Variants in KHDRBS2 observed in about 807,000 individuals in gnomAD.
KHDRBS2 encodes KH domain-containing, RNA-binding, signal transduction-associated protein 2.
KHDRBS2 carries 26 observed loss-of-function variants against 44.3 expected under a neutral mutation model. The ratio of observed to expected loss-of-function variants is 0.59; its 90% CI spans 0.43 to 0.81. The LOEUF is 0.81. KHDRBS2 is among the 40% of genes least tolerant of loss of function. KHDRBS2 has a pLI of 0.00. For synonymous variants in KHDRBS2, 194 were observed against 151.1 expected, an observed-to-expected ratio of 1.28 and a Z score of -2.08; for missense variants, 476 against 433.1, an observed-to-expected ratio of 1.10 and a Z score of -0.88.
At chr6:61,590,885 C>T in the KHDRBS2 span, among the ~76,000 whole-genome samples, 3 of 152,106 alleles carry the variant, frequency 2.0e-5, no homozygotes, top group Admixed American at 6.6e-5. Flanking sequence ...TGTTCATAGT[C>T]ATGGGATGCT....
chr6:62,250,575 C>T (rs545596689), intron 1 of KHDRBS2, among the ~76,000 whole-genome samples: 7 of 151,926 alleles, frequency 4.6e-5, no homozygotes, highest in South Asian at 2.1e-4. Context: ...AAGGGAGAGC[C>T]CTTGCTTTTA....
chr6:61,736,360 T>C (rs933257565), intron 6 of KHDRBS2, among the ~76,000 whole-genome samples: 7 of 151,910 alleles, frequency 4.6e-5, no homozygotes, highest in Admixed American at 3.9e-4. Context: ...GTTAATACCA[T>C]AATTGGAGCT....
At chr6:62,056,983 T>A (rs890530157) in intron 2 of KHDRBS2, among the ~76,000 whole-genome samples, 1 of 151,970 alleles carries the variant, frequency 6.6e-6, no homozygotes, top group African/African-American at 2.4e-5. Context: ...TGAAAAAGAA[T>A]CATGCCCTTA....
At chr6:61,666,558 G>T in the KHDRBS2 span, among the ~76,000 whole-genome samples, 1 of 151,292 alleles carries the variant, frequency 6.6e-6, no homozygotes, top group Non-Finnish European at 1.5e-5. Context: ...GTCTGCTTCT[G>T]AGTACACCAG....
chr6:61,973,117 G>C (rs956242026), intron 4 of KHDRBS2, among the ~76,000 whole-genome samples: 3 of 152,236 alleles, frequency 2.0e-5, no homozygotes, highest in Admixed American at 1.3e-4. Flanking sequence ...CTGGGTGAGA[G>C]AGTGAGACTC....
chr6:62,214,168 C>T (rs566055245), intron 1 of KHDRBS2, among the ~76,000 whole-genome samples: 1 of 152,056 alleles, frequency 6.6e-6, no homozygotes. Flanking sequence ...GAAAATCCAT[C>T]CATGGCAAAA....
rs138806356 is a variant in KHDRBS2, at chr6:62,233,814, T to C, written c.91+52044A>G. The stretch of plus-strand genomic sequence containing the variant: ...TCCATCAATGTTCCTGCAAAGAACA[T>C]GATCTCATTTTTTATGGCTGCATAG... On this transcript the variant is annotated intron_variant, in intron 1 of 8. Transcript: ENST00000281156. Among the ~76,000 whole-genome samples, 1,418 of 152,260 alleles carry C rather than the reference T, an allele frequency of 9.3e-3. 10 individuals carry two copies. Among genetic ancestry groups the C allele is most frequent in the Middle Eastern group, 0.02 (6 of 294 alleles).
intron 4 of KHDRBS2, among the ~76,000 whole-genome samples, chr6:61,928,575 C>T (rs1249397165): frequency 6.6e-6 from 1 of 151,960 alleles, no homozygotes; most frequent in Non-Finnish European, 1.5e-5. Flanking sequence ...TTTACTCTGA[C>T]TCTACTCACA....
At chr6:61,848,563 G>GTATATATATATATATATATA (rs1410985585) in intron 6 of KHDRBS2, among the ~76,000 whole-genome samples, 1 of 22,188 alleles carries the variant, frequency 4.5e-5, no homozygotes, top group Non-Finnish European at 7.5e-5. Flanking sequence ...ATATATATAT[G>GTATATATATATATATATATA]TATATATATA....
chr6:61,751,378 C>T (rs1463664050), intron 6 of KHDRBS2, among the ~76,000 whole-genome samples: 2 of 152,170 alleles, frequency 1.3e-5, no homozygotes, highest in Admixed American at 1.3e-4. Context: ...TCATCCGTGG[C>T]AGAAACAGTA....
the KHDRBS2 span, among the ~76,000 whole-genome samples, chr6:61,638,584 G>T: frequency 2.0e-5 from 3 of 152,030 alleles, no homozygotes; most frequent in Non-Finnish European, 4.4e-5. Context: ...TACCATTCAG[G>T]GCATAGGCAT....
intron 3 of KHDRBS2, among the ~76,000 whole-genome samples, chr6:61,997,741 T>A (rs1174207045): frequency 2.6e-5 from 4 of 152,150 alleles, no homozygotes; most frequent in African/African-American, 9.7e-5. Flanking sequence ...TGGAGAATGT[T>A]CTCTCAAGGC....
chr6:61,863,126 CA>C (rs1184493263), intron 6 of KHDRBS2, among the ~76,000 whole-genome samples: 2 of 151,924 alleles, frequency 1.3e-5, no homozygotes, highest in East Asian at 3.9e-4. Flanking sequence ...GGGTCAGTGA[CA>C]ATATCCCCCT....
chr6:61,986,010 A>G (rs1562586658), intron 3 of KHDRBS2, among the ~76,000 whole-genome samples: 1 of 152,058 alleles, frequency 6.6e-6, no homozygotes. Flanking sequence ...GCACTAGAGT[A>G]TAGTGGTTTA....
intron 1 of KHDRBS2, among the ~76,000 whole-genome samples, chr6:62,215,244 C>A (rs1187887824): frequency 1.3e-5 from 2 of 151,836 alleles, no homozygotes; most frequent in Non-Finnish European, 2.9e-5. Flanking sequence ...AGACATATGT[C>A]CCCCCTCACC....
chr6:61,674,492 C>T, the KHDRBS2 span, among the ~76,000 whole-genome samples: 3 of 151,674 alleles, frequency 2.0e-5, no homozygotes, highest in Non-Finnish European at 2.9e-5. Context: ...ACTTCATTTG[C>T]ATTCTTGTTC....
chr6:61,960,462 C>T lies in KHDRBS2; in HGVS notation c.483+17604G>A, dbSNP rs555413605. On this transcript the variant is annotated intron_variant, in intron 4 of 8. Transcript: ENST00000281156. ...AGGGGGAATTTTACACTCAACTAAC[C>T]AATTATTAACTATCACAATTATGTA... is the stretch of plus-strand genomic sequence containing the variant. Among the ~76,000 whole-genome samples the T allele has an allele frequency of 2.0e-5, 3 of 152,072 alleles. No homozygotes were observed. In the South Asian group the frequency reaches 6.2e-4, roughly 32 times the overall value.
the KHDRBS2 span, among the ~76,000 whole-genome samples, chr6:61,560,160 A>T: frequency 3.3e-5 from 5 of 152,218 alleles, no homozygotes; most frequent in South Asian, 8.3e-4. Context: ...CCCACTGAAA[A>T]GTTTGCTGTT....
chr6:62,013,498 G>GATAATA (rs145270323), intron 3 of KHDRBS2, among the ~76,000 whole-genome samples: 151,996 of 152,100 alleles, frequency 1, 75,946 homozygotes, highest in Middle Eastern at 1. Context: ...TTTATTATTT[G>GATAATA]ATTTTAGCAA....
Sources: allele counts gnomAD v4.1 joint callset (sites outside exome capture counted in the v4.1 genomes callset), GRCh38; gene constraint gnomAD v4.1.1; transcripts MANE v1.5; gene names NCBI Gene and HGNC (gene_info 2026-07-23, HGNC 2026-07-21).